DNAJC8: variants seen among roughly 807,000 people sequenced by gnomAD.
The protein encoded by DNAJC8 is dnaJ homolog subfamily C member 8.
A neutral mutation model predicts 43.2 loss-of-function variants in DNAJC8; 24 were observed. That is an observed-to-expected ratio of 0.56 (90% CI 0.40 to 0.78). DNAJC8 has a LOEUF of 0.78. Among genes scored for constraint, DNAJC8 ranks in the 30% least tolerant of loss-of-function variants. The pLI, the probability that DNAJC8 is intolerant of heterozygous loss-of-function variation, is 0.00. For missense variants in DNAJC8, 207 were observed against 299.4 expected (o/e 0.69, Z 2.28); for synonymous variants, 83 against 98.0 (o/e 0.85, Z 0.90).
At chr1:28,206,191 CT>C (rs968547314) in intron 6 of DNAJC8, among the ~76,000 whole-genome samples, 5 of 150,664 alleles carry the variant, frequency 3.3e-5, no homozygotes, top group African/African-American at 1.2e-4. Flanking sequence ...GACTCTATCT[CT>C]TTTTTAAAAA....
intron 3 of DNAJC8, 48 bp from the exon 4 acceptor site, chr1:28,210,685 A>T: frequency 6.7e-7 from 1 of 1,497,518 alleles, no homozygotes; most frequent in South Asian, 1.1e-5. Context: ...AACATTTACT[A>T]ACTTCCAGCC....
chr1:28,203,635 C>T (rs1339036745), intron 8 of DNAJC8, 112 bp downstream of exon 8: 1 of 1,060,052 alleles, frequency 9.4e-7, no homozygotes, highest in African/African-American at 1.6e-5. Context: ...CTCTCCCACT[C>T]TTCCCCACAT....
intron 2 of DNAJC8, among the ~76,000 whole-genome samples, chr1:28,222,085 A>G (rs998522943): frequency 6.6e-6 from 1 of 152,156 alleles, no homozygotes; most frequent in African/African-American, 2.4e-5. Context: ...GGGAGGGAGG[A>G]ATGCGGAATT....
chr1:28,201,660 G>C (rs1228859538), intron 8 of DNAJC8, among the ~76,000 whole-genome samples: 3 of 151,230 alleles, frequency 2.0e-5, no homozygotes, highest in Admixed American at 6.6e-5. Flanking sequence ...GTGGTGGCAG[G>C]TGCCTGTAAT....
Position 28,200,926 on chromosome 1 carries a change from G to C in DNAJC8, c.*322C>G. 1 of 384,646 alleles carries C rather than the reference G, an allele frequency of 2.6e-6. No homozygotes were observed. Among genetic ancestry groups the C allele is most frequent in the East Asian group, 6.3e-5 (1 of 15,804 alleles). The allele number at this position is 384,646 out of a possible 1,614,324, so 23.8% of individuals were successfully genotyped here. A position where few individuals can be genotyped will look rare whatever the true frequency, so the allele number is the denominator to read the frequency against. On this transcript the variant is annotated 3_prime_UTR_variant, in exon 9 of 9. Coordinates refer to ENST00000263697, the MANE Select transcript of DNAJC8 (RefSeq NM_014280.3). Reference sequence around the variant, plus strand: ...TGGATGATTTCCACAAACTATCCACGAAGTTTCTAACCATCACAATTCAGT... The same window carrying C: ...TGGATGATTTCCACAAACTATCCACCAAGTTTCTAACCATCACAATTCAGT...
intron 2 of DNAJC8, among the ~76,000 whole-genome samples, chr1:28,217,600 G>A (rs959296530): frequency 2.7e-4 from 41 of 152,174 alleles, no homozygotes; most frequent in African/African-American, 9.9e-4. Flanking sequence ...AAGATTTACA[G>A]ACGAGGGGCT....
At chr1:28,212,723 G>A (rs1258187878) in intron 3 of DNAJC8, among the ~76,000 whole-genome samples, 1 of 152,150 alleles carries the variant, frequency 6.6e-6, no homozygotes, top group Non-Finnish European at 1.5e-5. Context: ...AGGGAACTAT[G>A]TCGGGGAATG....
intron 2 of DNAJC8, 68 bp downstream of exon 2, chr1:28,228,854 T>G (rs1284253282): frequency 1.6e-6 from 2 of 1,274,496 alleles, no homozygotes; most frequent in Non-Finnish European, 2.3e-6. Flanking sequence ...TGTATTCTGA[T>G]GTAGGTATGC....
chr1:28,214,390 C>T (rs115929787), intron 3 of DNAJC8, among the ~76,000 whole-genome samples: 8,887 of 151,946 alleles, frequency 0.058, 289 homozygotes, highest in Middle Eastern at 0.092. Context: ...AAAAATTAGC[C>T]GGGTGTGGTG....
chr1:28,228,842 T>G, intron 2 of DNAJC8, 80 bp downstream of exon 2: 1 of 1,105,368 alleles, frequency 9.0e-7, no homozygotes, highest in South Asian at 1.4e-5. Flanking sequence ...ATAAATTAGG[T>G]ATGTATTCTG....
chr1:28,204,712 C>T (rs942605248), intron 7 of DNAJC8, among the ~76,000 whole-genome samples: 2 of 152,110 alleles, frequency 1.3e-5, no homozygotes, highest in African/African-American at 4.8e-5. Context: ...GAAGAACACA[C>T]ACAAGGCTCT....
At chr1:28,214,410 T>C in intron 3 of DNAJC8, among the ~76,000 whole-genome samples, 1 of 152,054 alleles carries the variant, frequency 6.6e-6, no homozygotes, top group East Asian at 1.9e-4. Flanking sequence ...GGCATGCACT[T>C]GTAATACCAG....
In DNAJC8 at chr1:28,232,979, C is replaced by T. The variant is rs1475082074; in HGVS notation, c.20G>A (p.Ser7Asn). Reference protein sequence around the residue: MAASGESGTSGGGGSTE... With the variant: MAASGENGTSGGGGSTE... The stretch of plus-strand genomic sequence containing the variant: ...GCTGCCTCCGCCGCCTGAAGTCCCG[C>T]TCTCTCCTGAAGCCGCCATTTCCCC... Residue 7 changes from serine (S) to asparagine (N), a missense_variant, in exon 1 of 9, where the codon AGC (serine) becomes AAC (asparagine). By Grantham distance (46) the Ser-to-Asn change is conservative. This residue lies in a region of DNAJC8 where 48 missense variants were observed against 31.9 expected (regional missense o/e 1.50). Transcript: ENST00000263697. 1 of 1,612,864 alleles carries T rather than the reference C, an allele frequency of 6.2e-7. No individual in the cohort carries two copies. Among genetic ancestry groups the T allele is most frequent in the South Asian group, 1.1e-5 (1 of 91,078 alleles).
chr1:28,231,281 T>C (rs758137113), intron 1 of DNAJC8, among the ~76,000 whole-genome samples: 24 of 152,100 alleles, frequency 1.6e-4, no homozygotes, highest in Non-Finnish European at 2.8e-4. Context: ...GGAGAATCAC[T>C]TGAGCCCAGA....
At chr1:28,211,357 C>T (rs923855806) in intron 3 of DNAJC8, among the ~76,000 whole-genome samples, 3 of 152,184 alleles carry the variant, frequency 2.0e-5, no homozygotes, top group African/African-American at 7.2e-5. Context: ...TCAAAGGAAA[C>T]GCTCATTGGA....
intron 8 of DNAJC8, 47 bp downstream of exon 8, chr1:28,203,700 G>A (rs1486945678): frequency 6.3e-7 from 1 of 1,594,106 alleles, no homozygotes; most frequent in Non-Finnish European, 8.6e-7. Flanking sequence ...CAGGAACCAA[G>A]CTGCCTTATT....
At chr1:28,210,758 A>C in intron 3 of DNAJC8, 121 bp from the exon 4 acceptor site, 1 of 648,284 alleles carries the variant, frequency 1.5e-6, no homozygotes, top group Middle Eastern at 2.7e-4. Flanking sequence ...TCTTAGCAAA[A>C]GCATTTAAAA....
At chr1:28,205,964 A>C (rs1308830997) in intron 6 of DNAJC8, among the ~76,000 whole-genome samples, 1 of 152,174 alleles carries the variant, frequency 6.6e-6, no homozygotes, top group Non-Finnish European at 1.5e-5. Flanking sequence ...CAGCAGGATC[A>C]CTTAAGCCCT....
At chr1:28,229,099 G>T (rs1422581565) in intron 1 of DNAJC8, 76 bp from the exon 2 acceptor site, 5 of 1,219,768 alleles carry the variant, frequency 4.1e-6, no homozygotes, top group Non-Finnish European at 4.7e-6. Context: ...AATGTTCACT[G>T]ATATGTTCAA....
Sources: gnomAD v4.1 joint callset for allele counts (sites outside exome capture counted in the v4.1 genomes callset) on GRCh38, gnomAD v4.1.1 for gene constraint, gnomAD v4.1.1 regional missense constraint, MANE v1.5 for transcripts, NCBI Gene and HGNC (gene_info 2026-07-23, HGNC 2026-07-21) for gene names.